NEK10: variants seen among roughly 807,000 people sequenced by gnomAD.
NEK10 encodes the protein serine/threonine-protein kinase Nek10.
A neutral mutation model predicts 159.8 loss-of-function variants in NEK10; 122 were observed. The observed-to-expected ratio is 0.76, with a 90% confidence interval of 0.66 to 0.89. NEK10 has a LOEUF of 0.89. Among genes scored for constraint, NEK10 ranks in the 40% least tolerant of loss-of-function variants. The pLI, the probability that NEK10 is intolerant of heterozygous loss-of-function variation, is 0.00. For synonymous variants in NEK10, 466 were observed against 457.1 expected, an observed-to-expected ratio of 1.02 and a Z score of -0.25; for missense variants, 1,342 against 1,323.1, an observed-to-expected ratio of 1.01 and a Z score of -0.22.
intron 5 of NEK10, among the ~76,000 whole-genome samples, chr3:27,329,416 T>C (rs986510237): frequency 6.6e-6 from 1 of 152,182 alleles, no homozygotes; most frequent in Non-Finnish European, 1.5e-5. Flanking sequence ...TTCACAAGGC[T>C]GTTTGGGGAT....
chr3:27,158,265 G>A (rs891150382), intron 30 of NEK10, among the ~76,000 whole-genome samples: 1 of 152,028 alleles, frequency 6.6e-6, no homozygotes, highest in South Asian at 2.1e-4. Flanking sequence ...TAGTATCATA[G>A]AAGTTTTGAC....
At chr3:27,129,267 C>G (rs1161539270) in intron 32 of NEK10, among the ~76,000 whole-genome samples, 1 of 152,106 alleles carries the variant, frequency 6.6e-6, no homozygotes, top group African/African-American at 2.4e-5. Flanking sequence ...GGGTCTTAGG[C>G]TATTAGTAAG....
intron 22 of NEK10, among the ~76,000 whole-genome samples, chr3:27,283,405 G>T (rs193024094): frequency 1.3e-5 from 2 of 152,134 alleles, no homozygotes; most frequent in African/African-American, 4.8e-5. Context: ...TGTAGATTTT[G>T]TTATTTACTA....
At chr3:27,244,314 C>A (rs1452619691) in intron 23 of NEK10, among the ~76,000 whole-genome samples, 1 of 152,192 alleles carries the variant, frequency 6.6e-6, no homozygotes, top group Non-Finnish European at 1.5e-5. Flanking sequence ...TGAACATCCC[C>A]TAGCAGGGAT....
intron 32 of NEK10, among the ~76,000 whole-genome samples, chr3:27,122,080 T>C (rs1004518793): frequency 1.3e-5 from 2 of 152,268 alleles, no homozygotes; most frequent in African/African-American, 2.4e-5. Flanking sequence ...AGGAAAAAAA[T>C]ATATGATTAT....
At chr3:27,249,372 A>G (rs191049019) in intron 23 of NEK10, among the ~76,000 whole-genome samples, 1 of 152,272 alleles carries the variant, frequency 6.6e-6, no homozygotes, top group Admixed American at 6.5e-5. Context: ...TTTCACTCTA[A>G]TAATATTTCT....
chr3:27,248,128 C>A (rs1955278065), intron 23 of NEK10, among the ~76,000 whole-genome samples: 1 of 151,972 alleles, frequency 6.6e-6, no homozygotes, highest in Non-Finnish European at 1.5e-5. Flanking sequence ...AATTTACTTA[C>A]TTCTAAATTT....
chr3:27,364,524 G>A (rs958240791), intron 1 of NEK10, among the ~76,000 whole-genome samples: 4 of 151,996 alleles, frequency 2.6e-5, no homozygotes, highest in South Asian at 2.1e-4. Flanking sequence ...CACAGCACCC[G>A]GCCATGTATT....
At chr3:27,196,508 G>C (rs559295806) in intron 25 of NEK10, among the ~76,000 whole-genome samples, 29 of 152,282 alleles carry the variant, frequency 1.9e-4, no homozygotes, top group African/African-American at 6.5e-4. Flanking sequence ...ATTAAATTGA[G>C]TGGAAGAGGG....
intron 22 of NEK10, among the ~76,000 whole-genome samples, chr3:27,259,520 G>C (rs1442452040): frequency 1.3e-5 from 2 of 152,204 alleles, no homozygotes; most frequent in South Asian, 2.1e-4. Flanking sequence ...TCAAACTTCA[G>C]ATGGTTGTAG....
chr3:27,338,754 G>C (rs1014479047), intron 5 of NEK10, among the ~76,000 whole-genome samples: 1 of 152,120 alleles, frequency 6.6e-6, no homozygotes, highest in African/African-American at 2.4e-5. Flanking sequence ...CATATCCTTT[G>C]CCCTCTTTTT....
chr3:27,153,356 C>T (rs1232397852), intron 30 of NEK10, among the ~76,000 whole-genome samples: 9 of 151,032 alleles, frequency 6.0e-5, no homozygotes, highest in South Asian at 2.1e-4. Flanking sequence ...CAGACAGTAG[C>T]GGGGACTTCA....
At chr3:27,244,817 G>A (rs1954901189) in intron 23 of NEK10, among the ~76,000 whole-genome samples, 1 of 152,042 alleles carries the variant, frequency 6.6e-6, no homozygotes, top group African/African-American at 2.4e-5. Context: ...CTCCCACTAT[G>A]TGCCCACACC....
chr3:27,305,206 T>C (rs1249644086), intron 11 of NEK10, among the ~76,000 whole-genome samples: 2 of 152,208 alleles, frequency 1.3e-5, no homozygotes, highest in Non-Finnish European at 2.9e-5. Context: ...AAAGCAGCCA[T>C]AGACAACATA....
chr3:27,202,767 T>C (rs1019836922), intron 23 of NEK10, among the ~76,000 whole-genome samples: 4 of 152,178 alleles, frequency 2.6e-5, no homozygotes, highest in Non-Finnish European at 5.9e-5. Context: ...AAGCACTAAA[T>C]ACCAGTAACT....
Position 27,290,721 on chromosome 3 carries a change from T to C in NEK10, c.1639A>G (p.Met547Val), listed in dbSNP as rs759209892. 9.3e-6 allele frequency: 15 copies of C among 1,609,244 alleles called. No homozygotes were observed. The East Asian group carries it at 3.3e-4, about 36-fold the overall frequency. Residue 547 changes from methionine to valine, a missense_variant, in exon 19 of 36, where the codon ATG becomes GTG. Met to Val is a conservative substitution (Grantham distance 21). Coordinates refer to ENST00000691995, the MANE Select transcript of NEK10 (RefSeq NM_001394966.1). ...GGGTTATGTAAATTGACCTCTTTCA[T>C]TGCTAAAAGATTTTGACCACTATGC... is the stretch of plus-strand genomic sequence containing the variant. Reference protein sequence around the residue: ...RKHSGQNLLAMKEVNLHNPAF... With the variant: ...RKHSGQNLLAVKEVNLHNPAF...
intron 23 of NEK10, among the ~76,000 whole-genome samples, chr3:27,203,355 T>C (rs1213360908): frequency 3.9e-5 from 6 of 152,230 alleles, no homozygotes; most frequent in Non-Finnish European, 7.3e-5. Flanking sequence ...TATTTAAATA[T>C]GTTGCGGGAA....
intron 29 of NEK10, among the ~76,000 whole-genome samples, chr3:27,169,607 T>G (rs1946775037): frequency 6.6e-6 from 1 of 152,348 alleles, no homozygotes; most frequent in African/African-American, 2.4e-5. Context: ...GTATCAGTGA[T>G]GCATCTTTGA....
At chr3:27,248,074 G>C (rs1559358000) in intron 23 of NEK10, among the ~76,000 whole-genome samples, 1 of 151,852 alleles carries the variant, frequency 6.6e-6, no homozygotes. Flanking sequence ...TTTGGGTTTT[G>C]AGTTTCTTCA....
Sources: allele counts gnomAD v4.1 joint callset (sites outside exome capture counted in the v4.1 genomes callset), GRCh38; gene constraint gnomAD v4.1.1; transcripts MANE v1.5; gene names NCBI Gene and HGNC (gene_info 2026-07-23, HGNC 2026-07-21).